PARD3B: variants seen among roughly 807,000 people sequenced by gnomAD.
PARD3B encodes par-3 family cell polarity regulator beta.
A neutral mutation model predicts 130.2 loss-of-function variants in PARD3B; 103 were observed. The observed-to-expected ratio is 0.79, with a 90% confidence interval of 0.67 to 0.93. The LOEUF (loss-of-function observed/expected upper bound fraction) is 0.93, where lower values mean the gene tolerates loss of function less well. Among genes scored for constraint, PARD3B ranks in the 40% least tolerant of loss-of-function variants. PARD3B has a pLI of 0.00. For synonymous variants in PARD3B, 583 were observed against 553.2 expected (o/e 1.05, Z -0.76); for missense variants, 1,609 against 1,499.2 (o/e 1.07, Z -1.21).
intron 2 of PARD3B, among the ~76,000 whole-genome samples, chr2:204,804,959 A>G (rs2125509083): frequency 6.6e-6 from 1 of 152,290 alleles, no homozygotes; most frequent in African/African-American, 2.4e-5. Context: ...AACTTATGGG[A>G]CACAGAGAAA....
At chr2:205,481,697 G>A (rs1341618398) in intron 20 of PARD3B, among the ~76,000 whole-genome samples, 1 of 152,120 alleles carries the variant, frequency 6.6e-6, no homozygotes, top group East Asian at 1.9e-4. Flanking sequence ...ACCCTACTTG[G>A]TTTTACTCTC....
chr2:204,696,231 C>G (rs1423401771), intron 2 of PARD3B, among the ~76,000 whole-genome samples: 1 of 151,770 alleles, frequency 6.6e-6, no homozygotes, highest in Non-Finnish European at 1.5e-5. Flanking sequence ...GCTGACCTTC[C>G]GTTAAATCAT....
At chr2:204,637,765 A>G (rs186033747) in intron 1 of PARD3B, among the ~76,000 whole-genome samples, 2 of 151,298 alleles carry the variant, frequency 1.3e-5, no homozygotes, top group Admixed American at 6.6e-5. Context: ...CTTGACCTCA[A>G]TGTTCATTTC....
At chr2:205,086,377 G>A (rs1186391155) in intron 4 of PARD3B, among the ~76,000 whole-genome samples, 1 of 152,132 alleles carries the variant, frequency 6.6e-6, no homozygotes, top group Non-Finnish European at 1.5e-5. Context: ...TATTTTCCAT[G>A]AAGATGCACA....
intron 2 of PARD3B, among the ~76,000 whole-genome samples, chr2:204,730,073 C>A (rs2039438861): frequency 1.3e-5 from 2 of 150,940 alleles, no homozygotes; most frequent in African/African-American, 4.9e-5. Context: ...TAATTTCTTT[C>A]TTTCTTTCTT....
In PARD3B at chr2:205,463,081, C is replaced by T. The variant is rs1193357396; in HGVS notation, c.3044+22409C>T. On this transcript the variant is annotated intron_variant, in intron 20 of 22. Coordinates refer to ENST00000406610, the MANE Select transcript of PARD3B (RefSeq NM_001302769.2). This position sits in a 1 kb window ranked among gnomAD's most constrained non-coding sequence, Gnocchi z 4.8. ...TCAACTGACAATTATTTTTTTTGCC[C>T]TCAATATCCTTCCCTGCCCCCTTAT... is the stretch of plus-strand genomic sequence containing the variant. Among the ~76,000 whole-genome samples the T allele has an allele frequency of 6.6e-6, 1 of 151,692 alleles. No individual in the cohort carries two copies. The highest frequency in any genetic ancestry group is 1.5e-5 in the Non-Finnish European group (1 of 67,896).
intron 16 of PARD3B, among the ~76,000 whole-genome samples, chr2:205,256,543 T>TG (rs2040095118): frequency 6.6e-6 from 1 of 152,186 alleles, no homozygotes; most frequent in Admixed American, 6.5e-5. Flanking sequence ...AGATTATGGT[T>TG]GGGGGTCAAA....
intron 11 of PARD3B, among the ~76,000 whole-genome samples, chr2:205,168,034 G>A (rs1220059160): frequency 1.3e-5 from 2 of 152,156 alleles, no homozygotes; most frequent in Non-Finnish European, 2.9e-5. Context: ...AACCATGCCA[G>A]GACATGGAGA....
intron 6 of PARD3B, among the ~76,000 whole-genome samples, chr2:205,117,659 T>G (rs1056955960): frequency 3.3e-5 from 5 of 152,232 alleles, no homozygotes; most frequent in Non-Finnish European, 5.9e-5. Context: ...ACATGGATTT[T>G]ATACAAAAGA....
At chr2:204,911,356 G>T (rs1233573047) in intron 2 of PARD3B, among the ~76,000 whole-genome samples, 2 of 152,102 alleles carry the variant, frequency 1.3e-5, no homozygotes, top group African/African-American at 2.4e-5. Context: ...CATCATCAAC[G>T]TACTTGGCCT....
In PARD3B at chr2:205,078,844, A is replaced by G. The variant is rs1193001328; in HGVS notation, c.505-25582A>G. 6.6e-6 allele frequency among the ~76,000 whole-genome samples: 1 copy of G among 152,206 alleles called. No homozygotes were observed. Among genetic ancestry groups the G allele is most frequent in the Non-Finnish European group, 1.5e-5 (1 of 68,032 alleles). ...TAAGAAAGTCCATTTCTCTGAGTCCACTTTGCTAGAAAGGCCATGTGTAGG... is the reference window on the plus strand; with the variant it reads ...TAAGAAAGTCCATTTCTCTGAGTCCGCTTTGCTAGAAAGGCCATGTGTAGG... On this transcript the variant is annotated intron_variant, in intron 4 of 22. Transcript: ENST00000406610. This position sits in a 1 kb window ranked among gnomAD's most constrained non-coding sequence, Gnocchi z 4.0.
intron 1 of PARD3B, among the ~76,000 whole-genome samples, chr2:204,576,484 A>C (rs773026118): frequency 1.2e-4 from 19 of 152,116 alleles, no homozygotes; most frequent in Non-Finnish European, 2.4e-4. Context: ...TAACTCTTCT[A>C]TCTGGTGGTT....
intron 10 of PARD3B, among the ~76,000 whole-genome samples, chr2:205,132,781 A>C (rs914620080): frequency 3.3e-4 from 50 of 152,158 alleles, no homozygotes; most frequent in African/African-American, 1.2e-3. Context: ...GTTAAAAATG[A>C]GGATAAAAGC....
intron 15 of PARD3B, among the ~76,000 whole-genome samples, chr2:205,214,883 G>A (rs1200908602): frequency 2.0e-5 from 3 of 151,994 alleles, no homozygotes; most frequent in Admixed American, 6.6e-5. Context: ...GGGCTTATCC[G>A]TGACCAAGCT....
At chr2:204,845,289 A>G (rs2044414650) in intron 2 of PARD3B, among the ~76,000 whole-genome samples, 2 of 152,302 alleles carry the variant, frequency 1.3e-5, no homozygotes, top group South Asian at 2.1e-4. Flanking sequence ...TTAAAGCTGC[A>G]TATTCTGATA....
intron 19 of PARD3B, among the ~76,000 whole-genome samples, chr2:205,425,550 TAAAAA>T (rs34514205): frequency 7.4e-6 from 1 of 134,704 alleles, no homozygotes; most frequent in Non-Finnish European, 1.6e-5. Flanking sequence ...AGACTCGGTG[TAAAAA>T]AAAAAAAAAA....
At position 204,941,970 on chromosome 2, in the gene PARD3B, G is replaced by A. The variant is rs191942031; in HGVS notation, c.223-23182G>A. Among the ~76,000 whole-genome samples the A allele has an allele frequency of 3.8e-3, 577 of 152,038 alleles. 3 individuals carry two copies. The highest frequency in any genetic ancestry group is 8.6e-3 in the Admixed American group (131 of 15,272). ...ATTCCTAAATTCATATCTTTAAGCT[G>A]GTTTTATATCATTTTGATTCCAGAA... On this transcript the variant is annotated intron_variant, in intron 2 of 22. Transcript: ENST00000406610.
At position 204,933,649 on chromosome 2, in the gene PARD3B, G is replaced by A. The variant is rs576629276; in HGVS notation, c.223-31503G>A. Reference sequence around the variant, plus strand: ...GACTTCTAAACCACTGTGCTTTATTGCAAGCTATCAGAGTTCATCTTTTAG... The same window carrying A: ...GACTTCTAAACCACTGTGCTTTATTACAAGCTATCAGAGTTCATCTTTTAG... On this transcript the variant is annotated intron_variant, in intron 2 of 22. Coordinates refer to ENST00000406610, the MANE Select transcript of PARD3B (RefSeq NM_001302769.2). 6.6e-5 allele frequency among the ~76,000 whole-genome samples: 10 copies of A among 152,208 alleles called. No homozygotes were observed. The East Asian group carries it at 1.2e-3, about 18-fold the overall frequency.
In PARD3B at chr2:205,066,133, C is replaced by T. The variant is rs1423219339; in HGVS notation, c.504+18443C>T. On this transcript the variant is annotated intron_variant, in intron 4 of 22. Transcript: ENST00000406610. ...ATGTAACTAACTGACATTCACCAAA[C>T]GTAAGAACAGATAAAGTTTCCCCCG... 7.1e-4 allele frequency among the ~76,000 whole-genome samples: 108 copies of T among 152,200 alleles called. 2 individuals carry two copies. The highest frequency in any genetic ancestry group is 1.6e-4 in the Non-Finnish European group (11 of 68,012).
Sources: allele counts gnomAD v4.1 joint callset (sites outside exome capture counted in the v4.1 genomes callset), GRCh38; gene constraint gnomAD v4.1.1; non-coding constraint Gnocchi (gnomAD v3.1); transcripts MANE v1.5; gene names NCBI Gene and HGNC (gene_info 2026-07-23, HGNC 2026-07-21).